MKLN1: variants seen among roughly 807,000 people sequenced by gnomAD.
The protein encoded by MKLN1 is muskelin.
MKLN1 carries 18 observed loss-of-function variants against 99.0 expected under a neutral mutation model. The observed-to-expected ratio is 0.18, with a 90% CI of 0.13 to 0.27. MKLN1 has a LOEUF of 0.27. Ranked by LOEUF, MKLN1 falls within the 10% of genes least tolerant of loss-of-function variation. The pLI is 1.00. For synonymous variants in MKLN1, 288 were observed against 293.2 expected (o/e 0.98, Z 0.18); for missense variants, 621 against 875.9 (o/e 0.71, Z 3.67).
At chr7:131,113,399 G>A (rs1035075437) in intron 1 of MKLN1, among the ~76,000 whole-genome samples, 1 of 152,202 alleles carries the variant, frequency 6.6e-6, no homozygotes, top group Non-Finnish European at 1.5e-5. Flanking sequence ...AGAAGTCCTG[G>A]AGGAGAAATC....
chr7:131,264,729 T>G (rs898570259), intron 3 of MKLN1, among the ~76,000 whole-genome samples: 1 of 152,224 alleles, frequency 6.6e-6, no homozygotes, highest in South Asian at 2.1e-4. Flanking sequence ...GCTAGAGAAG[T>G]TGTGAATTTT....
rs139182403 is a variant in MKLN1, at chr7:131,202,298, T to C, written c.-296-559T>C. Reference sequence around the variant, plus strand: ...GCCCGGCTAATTTTTTGTATTTTAGTAGAGACAGGGGTTTCACCATGTTGG... The same window carrying C: ...GCCCGGCTAATTTTTTGTATTTTAGCAGAGACAGGGGTTTCACCATGTTGG... On this transcript the variant is annotated intron_variant, in intron 2 of 7. Transcript: ENST00000416992. Among the ~76,000 whole-genome samples, 1,392 of 151,916 alleles carry C rather than the reference T, an allele frequency of 9.2e-3. 19 individuals carry two copies. The highest frequency in any genetic ancestry group is 0.032 in the African/African-American group (1,344 of 41,392).
chr7:131,422,345 C>T (rs73153494), intron 8 of MKLN1, among the ~76,000 whole-genome samples: 14,268 of 152,116 alleles, frequency 0.094, 957 homozygotes, highest in Admixed American at 0.15. Context: ...GCTGGGAGTT[C>T]GAGATCAGCC....
intron 9 of MKLN1, among the ~76,000 whole-genome samples, chr7:131,430,452 A>C (rs1795490483): frequency 6.6e-6 from 1 of 152,118 alleles, no homozygotes; most frequent in South Asian, 2.1e-4. Flanking sequence ...CAAAAGACAA[A>C]TCTTAAATTA....
intron 3 of MKLN1, among the ~76,000 whole-genome samples, chr7:131,270,050 A>G (rs1403716236): frequency 6.6e-6 from 1 of 151,542 alleles, no homozygotes; most frequent in African/African-American, 2.4e-5. Context: ...CAGCCTCCCG[A>G]GTAGCTGGGA....
chr7:131,338,290 C>T (rs1799308094), intron 1 of MKLN1, among the ~76,000 whole-genome samples: 1 of 152,234 alleles, frequency 6.6e-6, no homozygotes, highest in South Asian at 2.1e-4. Context: ...GGGATCTTGA[C>T]TCCTCAAGAC....
intron 2 of MKLN1, among the ~76,000 whole-genome samples, chr7:131,160,855 T>A (rs897676355): frequency 1.4e-4 from 22 of 152,044 alleles, no homozygotes; most frequent in African/African-American, 5.3e-4. Context: ...CAAATCAACT[T>A]TTGATCACAT....
rs1797429453 is a variant in MKLN1 at position 131,491,754 on chromosome 7, A to G, written c.*4026A>G. The stretch of plus-strand genomic sequence containing the variant: ...GAATAAATGCTGTATTAGAGGTTCT[A>G]TTTATATATGATTTTTAAAACTTTG... On this transcript the variant is annotated 3_prime_UTR_variant, in exon 18 of 18. Transcript: ENST00000352689. 6.6e-6 allele frequency: 1 copy of G among 152,538 alleles called. No homozygotes were observed. The highest frequency in any genetic ancestry group is 1.5e-5 in the Non-Finnish European group (1 of 68,008). The allele number at this position is 152,538 out of a possible 1,614,324, so 9.4% of individuals were successfully genotyped here.
At chr7:131,145,078 G>A (rs910359107) in intron 2 of MKLN1, among the ~76,000 whole-genome samples, 10 of 152,014 alleles carry the variant, frequency 6.6e-5, no homozygotes, top group South Asian at 2.1e-4. Flanking sequence ...CTTTTTCCCC[G>A]AACACTTATA....
intron 3 of MKLN1, among the ~76,000 whole-genome samples, chr7:131,264,387 A>T (rs1461761301): frequency 6.6e-6 from 1 of 152,210 alleles, no homozygotes; most frequent in Non-Finnish European, 1.5e-5. Context: ...ATTTAGAGTA[A>T]GGAAAAACTA....
intron 2 of MKLN1, among the ~76,000 whole-genome samples, chr7:131,384,880 G>C (rs1283676239): frequency 6.6e-6 from 1 of 152,088 alleles, no homozygotes; most frequent in Non-Finnish European, 1.5e-5. Context: ...TTTTTTTATT[G>C]AGGTAAAATC....
At chr7:131,111,339 G>T (rs1426686858) in intron 1 of MKLN1, among the ~76,000 whole-genome samples, 1 of 152,162 alleles carries the variant, frequency 6.6e-6, no homozygotes, top group Non-Finnish European at 1.5e-5. Context: ...TTATGTTGTA[G>T]CATCCTGGAT....
At chr7:131,215,154 C>A (rs761691027) in intron 3 of MKLN1, among the ~76,000 whole-genome samples, 2 of 151,840 alleles carry the variant, frequency 1.3e-5, no homozygotes, top group Non-Finnish European at 2.9e-5. Context: ...TCAAGCAATT[C>A]TCCCACCTCA....
rs147190723 is a variant in MKLN1 at position 131,408,012 on chromosome 7, G to A, written c.704-3294G>A. Among the ~76,000 whole-genome samples the A allele has an allele frequency of 5.3e-5, 8 of 152,082 alleles. No individual in the cohort carries two copies. In the East Asian group the frequency reaches 5.8e-4, roughly 11 times the overall value. On this transcript the variant is annotated intron_variant, in intron 6 of 17. Coordinates refer to ENST00000352689, the MANE Select transcript of MKLN1 (RefSeq NM_013255.5). The stretch of plus-strand genomic sequence containing the variant: ...ACATCTGAGAGCTTGACAATGTGCC[G>A]TTTATTCTCCTAGGCCTTTTACGTG...
rs192100435 is a variant in MKLN1 at position 131,291,746 on chromosome 7, A to C, written c.-178-83678A>C. On this transcript the variant is annotated intron_variant, in intron 3 of 7. Transcript: ENST00000416992. ...GACAGCAATAAGTTCTACAGAGGTG[A>C]GTTAGTTGGAGTAGTCACATTAAAA... Among the ~76,000 whole-genome samples the C allele has an allele frequency of 2.8e-3, 407 of 146,228 alleles. 1 individual carries two copies. Among genetic ancestry groups the C allele is most frequent in the Non-Finnish European group, 4.3e-3 (290 of 67,060 alleles).
At chr7:131,378,748 T>C (rs1321050446) in intron 2 of MKLN1, among the ~76,000 whole-genome samples, 2 of 152,064 alleles carry the variant, frequency 1.3e-5, no homozygotes, top group African/African-American at 4.8e-5. Flanking sequence ...GAGGATTGCT[T>C]GAACCCAGGA....
At chr7:131,369,363 A>C (rs1270143501) in intron 1 of MKLN1, among the ~76,000 whole-genome samples, 2 of 152,170 alleles carry the variant, frequency 1.3e-5, no homozygotes, top group Non-Finnish European at 2.9e-5. Flanking sequence ...TTTCTCCCTA[A>C]TTTTCTGATA....
At chr7:131,292,408 T>G (rs1423636543) in intron 3 of MKLN1, among the ~76,000 whole-genome samples, 2 of 152,168 alleles carry the variant, frequency 1.3e-5, no homozygotes, top group African/African-American at 4.8e-5. Context: ...AGGGCTCGAA[T>G]CATGTCCCCC....
chr7:131,456,241 AT>A (rs1405197125), intron 12 of MKLN1, among the ~76,000 whole-genome samples: 1 of 151,814 alleles, frequency 6.6e-6, no homozygotes, highest in Non-Finnish European at 1.5e-5. Context: ...CTTCATTTTT[AT>A]TATTATAATT....
Sources: gnomAD v4.1 joint callset for allele counts (sites outside exome capture counted in the v4.1 genomes callset) on GRCh38, gnomAD v4.1.1 for gene constraint, MANE v1.5 for transcripts, NCBI Gene and HGNC (gene_info 2026-07-23, HGNC 2026-07-21) for gene names.